Variants in CDADC1 observed in about 807,000 individuals in gnomAD.
CDADC1 encodes the protein dCTP deaminase.
A neutral mutation model predicts 54.9 loss-of-function variants in CDADC1; 39 were observed. That is an observed-to-expected ratio of 0.71 (90% CI 0.55 to 0.93). The LOEUF (loss-of-function observed/expected upper bound fraction) is 0.93. CDADC1 is among the 40% of genes least tolerant of loss of function. CDADC1 has a pLI of 0.00. For synonymous variants in CDADC1, 186 were observed against 204.0 expected (o/e 0.91, Z 0.75); for missense variants, 518 against 618.8 (o/e 0.84, Z 1.73).
intron 1 of CDADC1, 174 bp downstream of exon 1, chr13:49,248,293 G>T (rs759164349): frequency 5.2e-6 from 3 of 576,778 alleles, no homozygotes; most frequent in Non-Finnish European, 9.2e-6. Context: ...CAATCGGCTC[G>T]GTCGCACTGG....
chr13:49,254,416 T>C (rs1952497999), intron 2 of CDADC1, among the ~76,000 whole-genome samples: 1 of 151,896 alleles, frequency 6.6e-6, no homozygotes. Flanking sequence ...TTTTTTTTTT[T>C]TTTTGAAACA....
chr13:49,281,535 C>T (rs1254146421), intron 8 of CDADC1, among the ~76,000 whole-genome samples: 1 of 152,144 alleles, frequency 6.6e-6, no homozygotes, highest in Non-Finnish European at 1.5e-5. Flanking sequence ...TAGGGTTCTG[C>T]TCCTATGAGA....
chr13:49,256,929 CTG>C (rs1302520802), intron 3 of CDADC1, among the ~76,000 whole-genome samples: 1 of 152,174 alleles, frequency 6.6e-6, no homozygotes, highest in African/African-American at 2.4e-5. Context: ...ACAAAACAGA[CTG>C]TACCCTTTTG....
intron 8 of CDADC1, among the ~76,000 whole-genome samples, chr13:49,282,153 A>G (rs2138258899): frequency 6.6e-6 from 1 of 151,982 alleles, no homozygotes; most frequent in South Asian, 2.1e-4. Flanking sequence ...ATAGTTCCAA[A>G]AATGTACTGA....
At chr13:49,259,598 C>A in intron 4 of CDADC1, 75 bp downstream of exon 4, 1 of 1,425,074 alleles carries the variant, frequency 7.0e-7, no homozygotes, top group Non-Finnish European at 9.7e-7. Context: ...TGCCTGTCAT[C>A]CCAGCACTTT....
At chr13:49,278,743 T>C (rs1042853740) in intron 7 of CDADC1, among the ~76,000 whole-genome samples, 10 of 152,228 alleles carry the variant, frequency 6.6e-5, no homozygotes, top group African/African-American at 2.4e-4. Flanking sequence ...GCATGTCTTT[T>C]TTTCCCTTGC....
rs567827757 is a variant in CDADC1 at position 49,266,057 on chromosome 13, C to T, written c.431-1433C>T. The T allele has an allele frequency of 4.3e-5, 26 of 605,654 alleles. No individual in the cohort carries two copies. In the African/African-American group the frequency reaches 5.1e-4, roughly 12 times the overall value. The allele number at this position is 605,654 out of a possible 1,614,324, so 37.5% of individuals were successfully genotyped here. A position where few individuals can be genotyped will look rare whatever the true frequency, so the allele number is the denominator to read the frequency against. ...CATAAGCCACAGTGAGTCAGGAGTA[C>T]CAGGGAGTGGATAGAATGTTTATTT... On this transcript the variant is annotated intron_variant, in intron 4 of 9. Transcript: ENST00000251108.
At chr13:49,274,876 T>C (rs535385454) in intron 6 of CDADC1, among the ~76,000 whole-genome samples, 109 of 152,218 alleles carry the variant, frequency 7.2e-4, no homozygotes, top group African/African-American at 2.3e-3. Flanking sequence ...GATGGAGATG[T>C]AGAAGTAAAA....
At chr13:49,288,195 C>T (rs1335080368) in intron 9 of CDADC1, among the ~76,000 whole-genome samples, 1 of 152,090 alleles carries the variant, frequency 6.6e-6, no homozygotes, top group Non-Finnish European at 1.5e-5. Flanking sequence ...TTTATTGACC[C>T]AGATGATGGT....
At chr13:49,278,044 G>A (rs1953197687) in intron 6 of CDADC1, among the ~76,000 whole-genome samples, 1 of 152,124 alleles carries the variant, frequency 6.6e-6, no homozygotes, top group Non-Finnish European at 1.5e-5. Context: ...AATTTATTTG[G>A]GAAGTAATAT....
intron 5 of CDADC1, among the ~76,000 whole-genome samples, chr13:49,268,543 T>A (rs1249280701): frequency 6.6e-6 from 1 of 152,068 alleles, no homozygotes; most frequent in African/African-American, 2.4e-5. Flanking sequence ...TGCGTGCCTA[T>A]AGTCCCGGCT....
At chr13:49,270,923 T>C (rs1283695818) in intron 5 of CDADC1, among the ~76,000 whole-genome samples, 1 of 152,232 alleles carries the variant, frequency 6.6e-6, no homozygotes, top group Non-Finnish European at 1.5e-5. Context: ...GCTTTTAATT[T>C]CACATTATTC....
At chr13:49,253,875 T>C (rs140125604) in intron 2 of CDADC1, among the ~76,000 whole-genome samples, 208 of 152,274 alleles carry the variant, frequency 1.4e-3, no homozygotes, top group African/African-American at 4.8e-3. Context: ...TGTCTTCTGG[T>C]ACCTTATGCT....
chr13:49,279,700 A>G (rs918081704), intron 7 of CDADC1, among the ~76,000 whole-genome samples: 1 of 152,194 alleles, frequency 6.6e-6, no homozygotes, highest in Non-Finnish European at 1.5e-5. Context: ...GTGAACGTAA[A>G]TAACAGTCTC....
At position 49,280,534 on chromosome 13, in the gene CDADC1, A is replaced by G. The variant is rs1476586862; in HGVS notation, c.1246A>G (p.Arg416Gly). 6.9e-7 allele frequency: 1 copy of G among 1,453,620 alleles called. No homozygotes were observed. Among genetic ancestry groups the G allele is most frequent in the Non-Finnish European group, 9.1e-7 (1 of 1,097,270 alleles). 90.0% of individuals were successfully genotyped at this position (1,453,620 alleles called of 1,614,324 possible). A position where few individuals can be genotyped will look rare whatever the true frequency, so the allele number is the denominator to read the frequency against. ...GTGTCAAGAAATAAAACCAGAAGAA[A>G]GAAGCATGATTTTTGTGACAAAGTG... The part of the protein sequence containing the change: ...FRCQEIKPEE[R>G]SMIFVTKCPC... Residue 416 changes from arginine to glycine, a missense_variant, in exon 8 of 10, where the codon AGA becomes GGA. Arg to Gly is a moderately radical substitution (Grantham distance 125, BLOSUM62 -2). Transcript: ENST00000251108.
At chr13:49,277,344 G>A (rs147370785) in intron 6 of CDADC1, among the ~76,000 whole-genome samples, 2 of 151,944 alleles carry the variant, frequency 1.3e-5, no homozygotes, top group African/African-American at 2.4e-5. Context: ...AGTGACATAC[G>A]CCTGTGGTCC....
At chr13:49,266,539 A>C (rs759764716) in intron 4 of CDADC1, among the ~76,000 whole-genome samples, 3 of 152,220 alleles carry the variant, frequency 2.0e-5, no homozygotes, top group Non-Finnish European at 4.4e-5. Flanking sequence ...AGCTTTAAAA[A>C]GTTAATATTG....
chr13:49,292,830 C>A lies in CDADC1; in HGVS notation c.*1073C>A. ...CATGAGAAATGTCTTCCTGGATCTG[C>A]GGTGGTCAGGTTTGCCTCTGCTTTT... On this transcript the variant is annotated 3_prime_UTR_variant, in exon 10 of 10. Transcript: ENST00000251108. 7.9e-7 allele frequency: 1 copy of A among 1,269,240 alleles called. No individual in the cohort carries two copies. Among genetic ancestry groups the A allele is most frequent in the Non-Finnish European group, 1.0e-6 (1 of 975,706 alleles). The allele number at this position is 1,269,240 out of a possible 1,614,324, so 78.6% of individuals were successfully genotyped here.
At position 49,286,264 on chromosome 13, in the gene CDADC1, G is replaced by C. The variant is rs1953512109; in HGVS notation, c.1453G>C (p.Glu485Gln). The C allele has an allele frequency of 6.2e-7, 1 of 1,613,002 alleles. No individual in the cohort carries two copies. The highest frequency in any genetic ancestry group is 1.1e-5 in the South Asian group (1 of 91,064). Residue 485 changes from glutamate to glutamine, a missense_variant, in exon 9 of 10, where the codon GAG becomes CAG. Physicochemically the swap from Glu to Gln is conservative, Grantham distance 29 (BLOSUM62 2). Coordinates refer to ENST00000251108, the MANE Select transcript of CDADC1 (RefSeq NM_030911.4). ...PSGAYGLEQN[E>Q]PERRENGVLR... The stretch of plus-strand genomic sequence containing the variant: ...AGGAGCTTATGGTCTTGAACAAAAT[G>C]AGCCTGAAAGGAGAGAAAGTAAGTA...
Sources: allele counts gnomAD v4.1 joint callset (sites outside exome capture counted in the v4.1 genomes callset), GRCh38; gene constraint gnomAD v4.1.1; transcripts MANE v1.5; gene names NCBI Gene and HGNC (gene_info 2026-07-23, HGNC 2026-07-21).